CYP11A1: variants seen among roughly 807,000 people sequenced by gnomAD.
The protein encoded by CYP11A1 is cytochrome P450 family 11 subfamily A member 1, also known as cholesterol side-chain cleavage enzyme, mitochondrial.
CYP11A1 carries 25 observed loss-of-function variants against 51.9 expected under a neutral mutation model. That is an observed-to-expected ratio of 0.48 (90% CI 0.35 to 0.67). CYP11A1 has a LOEUF of 0.67. Ranked by LOEUF, CYP11A1 falls within the 30% of genes least tolerant of loss-of-function variation. The pLI, the probability that CYP11A1 is intolerant of heterozygous loss-of-function variation, is 0.00. For missense variants in CYP11A1, 578 were observed against 680.9 expected (o/e 0.85, Z 1.68); for synonymous variants, 245 against 262.1 (o/e 0.93, Z 0.63).
intron 1 of CYP11A1, among the ~76,000 whole-genome samples, chr15:74,356,687 A>T (rs954562103): frequency 6.6e-6 from 1 of 152,152 alleles, no homozygotes; most frequent in African/African-American, 2.4e-5. Flanking sequence ...TTCCCTTATT[A>T]GGTCAAGACA....
intron 1 of CYP11A1, among the ~76,000 whole-genome samples, chr15:74,349,691 C>G (rs190645630): frequency 6.6e-6 from 1 of 152,196 alleles, no homozygotes; most frequent in Non-Finnish European, 1.5e-5. Context: ...AGCCTCATGT[C>G]TAACAGCAAA....
At position 74,367,318 on chromosome 15, in the gene CYP11A1, T is replaced by C; in HGVS notation, c.268A>G (p.Arg90Gly). 6.2e-7 allele frequency: 1 copy of C among 1,614,104 alleles called. No individual in the cohort carries two copies. Among genetic ancestry groups the C allele is most frequent in the Non-Finnish European group, 8.5e-7 (1 of 1,180,026 alleles). Residue 90 changes from arginine to glycine, a missense_variant and splice_region_variant, in exon 1 of 9, where the codon AGG (arginine) becomes GGG (glycine). Transcript: ENST00000268053. Reference protein sequence around the residue: ...QNFQKYGPIYREKLGNVESVY... With the variant: ...QNFQKYGPIYGEKLGNVESVY... ...GCTCCCACCCTCTGCCAGGCTTACC[T>C]GTAAATCGGGCCATACTTCTGGAAA...
chr15:74,342,969 C>T lies in CYP11A1; in HGVS notation c.990+8G>A, dbSNP rs1363687788. ...GGCAACAAGGTGCCGCCCCTACAGC[C>T]ACCTCACCGTGTCCACCCCTCCTGC... is the stretch of plus-strand genomic sequence containing the variant. On this transcript the variant is annotated splice_region_variant and intron_variant, in intron 5 of 8. Transcript: ENST00000268053. 4 of 1,612,212 alleles carry T rather than the reference C, an allele frequency of 2.5e-6. No individual in the cohort carries two copies. Among genetic ancestry groups the T allele is most frequent in the Non-Finnish European group, 3.4e-6 (4 of 1,180,012 alleles).
At chr15:74,362,573 C>T (rs2060713698) in intron 1 of CYP11A1, 2 of 153,772 alleles carry the variant, frequency 1.3e-5, no homozygotes, top group Admixed American at 6.4e-5. Context: ...AATCTCACAA[C>T]TGAGAAGGGC....
At chr15:74,343,214 G>A (rs939255956) in intron 4 of CYP11A1, 77 bp from the exon 5 acceptor site, 2 of 1,497,800 alleles carry the variant, frequency 1.3e-6, no homozygotes, top group African/African-American at 1.4e-5. Context: ...GTGGTGAAAG[G>A]TGGCACCAAG....
intron 1 of CYP11A1, chr15:74,366,977 A>G (rs1272529126): frequency 3.1e-6 from 1 of 320,188 alleles, no homozygotes; most frequent in Non-Finnish European, 5.9e-6. Context: ...CGGCCTCCCA[A>G]AGTGCTGGGA....
chr15:74,345,109 T>C lies in CYP11A1; in HGVS notation c.560A>G (p.Lys187Arg), dbSNP rs536464242. 21 of 1,614,010 alleles carry C rather than the reference T, an allele frequency of 1.3e-5. No homozygotes were observed. The highest frequency in any genetic ancestry group is 1.7e-5 in the Non-Finnish European group (20 of 1,180,000). Residue 187 changes from lysine (K) to arginine (R), a missense_variant, in exon 3 of 9, where the codon AAG (lysine) becomes AGG (arginine). Lys to Arg is a conservative substitution (Grantham distance 26). Coordinates refer to ENST00000268053, the MANE Select transcript of CYP11A1 (RefSeq NM_000781.3). The surrounding 1 kb of genome is among the most constrained non-coding windows in gnomAD (Gnocchi z 4.3). The part of the protein sequence containing the change: ...DFVSVLHRRI[K>R]KAGSGNYSGD... ...CGAGTAATTTCCGGAGCCCGCCTTCTTGATGCGCCTGTGCAGGACACTGAC... is the reference window on the plus strand; with the variant it reads ...CGAGTAATTTCCGGAGCCCGCCTTCCTGATGCGCCTGTGCAGGACACTGAC...
In CYP11A1 at chr15:74,339,599, T is replaced by TTGA; in HGVS notation, c.1142_1144dup (p.Ile381dup). Reference sequence around the variant, plus strand: ...GTTGTGGGCTTGCCTTAGTGTCTCCTTGATGCTGGCTTTGAGGAGGGGGAC... The same window carrying TTGA: ...GTTGTGGGCTTGCCTTAGTGTCTCCTTGATGATGCTGGCTTTGAGGAGGGGGAC... On this transcript the variant is annotated inframe_insertion, in exon 6 of 9. Coordinates refer to ENST00000268053, the MANE Select transcript of CYP11A1 (RefSeq NM_000781.3). The TTGA allele has an allele frequency of 6.2e-7, 1 of 1,614,152 alleles. No homozygotes were observed. Among genetic ancestry groups the TTGA allele is most frequent in the Non-Finnish European group, 8.5e-7 (1 of 1,179,984 alleles).
intron 1 of CYP11A1, among the ~76,000 whole-genome samples, chr15:74,352,349 A>G (rs189892854): frequency 6.0e-4 from 84 of 141,008 alleles, no homozygotes; most frequent in Non-Finnish European, 1.0e-3. Flanking sequence ...GGCTCACTGC[A>G]ACCTCCGCCT....
Position 74,345,005 on chromosome 15 carries a change from C to A in CYP11A1, c.625+39G>T. 8 of 1,578,072 alleles carry A rather than the reference C, an allele frequency of 5.1e-6. No homozygotes were observed. The highest frequency in any genetic ancestry group is 7.0e-6 in the Non-Finnish European group (8 of 1,147,448). ...AGAGAGTGAACACTGAGTCCTCCCA[C>A]CCCCATGCCCACTGCCAGCCAGGTG... On this transcript the variant is annotated intron_variant, in intron 3 of 8. Transcript: ENST00000268053. The surrounding 1 kb of genome is among the most constrained non-coding windows in gnomAD (Gnocchi z 4.3).
In CYP11A1 at chr15:74,345,323, C is replaced by G. The variant is rs1261672711; in HGVS notation, c.426-80G>C. 6.6e-7 allele frequency: 1 copy of G among 1,512,328 alleles called. No homozygotes were observed. Among genetic ancestry groups the G allele is most frequent in the African/African-American group, 1.4e-5 (1 of 72,564 alleles). 93.7% of individuals were successfully genotyped at this position (1,512,328 alleles called of 1,614,324 possible). A position where few individuals can be genotyped will look rare whatever the true frequency, so the allele number is the denominator to read the frequency against. On this transcript the variant is annotated intron_variant, in intron 2 of 8. Coordinates refer to ENST00000268053, the MANE Select transcript of CYP11A1 (RefSeq NM_000781.3). This position sits in a 1 kb window ranked among gnomAD's most constrained non-coding sequence, Gnocchi z 4.3. ...ACACAGAGGGGGCTGACTCAGTTTT[C>G]CCAGGAAGCTGAGTCACAGCTCACA...
chr15:74,338,736 G>T lies in CYP11A1; in HGVS notation c.1269C>A (p.Gly423=), dbSNP rs768205181. 1 of 1,614,166 alleles carries T rather than the reference G, an allele frequency of 6.2e-7. No homozygotes were observed. The highest frequency in any genetic ancestry group is 1.7e-5 in the Admixed American group (1 of 60,030). Residue 423 remains glycine (G), a synonymous_variant, in exon 8 of 9, where the codon GGC becomes GGA. Transcript: ENST00000268053. ...GGTCGAAGAAGAAGGTGGGCTCTCG[G>T]CCCAGAGCATAGATGGCCACTTGCA... The part of the protein sequence containing the change: ...TLVQVAIYAL[G]REPTFFFDPE...
At position 74,367,466 on chromosome 15, in the gene CYP11A1, G is replaced by T. The variant is rs1157153140; in HGVS notation, c.120C>A (p.Ile40=). The T allele has an allele frequency of 6.2e-7, 1 of 1,614,254 alleles. No homozygotes were observed. The highest frequency in any genetic ancestry group is 8.5e-7 in the Non-Finnish European group (1 of 1,180,052). The part of the protein sequence containing the change: ...LRVPTGEGAG[I]STRSPRPFNE... Reference sequence around the variant, plus strand: ...TGAAGGGGCGAGGACTGCGGGTGGAGATGCCAGCTCCCTCGCCAGTGGGCA... The same window carrying T: ...TGAAGGGGCGAGGACTGCGGGTGGATATGCCAGCTCCCTCGCCAGTGGGCA... The change falls in exon 1 of 9, where the codon ATC becomes ATA. Residue 40 remains isoleucine, a synonymous_variant. Coordinates refer to ENST00000268053, the MANE Select transcript of CYP11A1 (RefSeq NM_000781.3).
At chr15:74,354,040 G>C (rs1050368591) in intron 1 of CYP11A1, among the ~76,000 whole-genome samples, 4 of 152,128 alleles carry the variant, frequency 2.6e-5, no homozygotes, top group Non-Finnish European at 4.4e-5. Flanking sequence ...ACTCTGCCTA[G>C]TTTCTCCAAA....
intron 5 of CYP11A1, among the ~76,000 whole-genome samples, chr15:74,341,971 T>A (rs1299690124): frequency 6.6e-6 from 1 of 152,196 alleles, no homozygotes; most frequent in East Asian, 1.9e-4. Context: ...CCTCCGGAAC[T>A]GTGAGAAAAT....
At chr15:74,343,677 C>T in intron 4 of CYP11A1, 112 bp downstream of exon 4, 1 of 968,756 alleles carries the variant, frequency 1.0e-6, no homozygotes, top group Non-Finnish European at 1.7e-6. Flanking sequence ...CTGCCCGCCA[C>T]AGTGTGGGTT....
intron 1 of CYP11A1, among the ~76,000 whole-genome samples, chr15:74,358,482 T>C (rs2060692167): frequency 2.0e-5 from 3 of 152,324 alleles, no homozygotes; most frequent in Non-Finnish European, 4.4e-5. Context: ...CTTTCCATCA[T>C]GGAAATCTAT....
chr15:74,345,081 C>A lies in CYP11A1; in HGVS notation c.588G>T (p.Gly196=), dbSNP rs1008502067. 1 of 1,613,918 alleles carries A rather than the reference C, an allele frequency of 6.2e-7. No individual in the cohort carries two copies. The highest frequency in any genetic ancestry group is 1.3e-5 in the African/African-American group (1 of 74,916). ...AGCGGAACAGGTCATCACTGATGTC[C>A]CCCGAGTAATTTCCGGAGCCCGCCT... ...IKKAGSGNYS[G]DISDDLFRFA... Residue 196 remains glycine, a synonymous_variant, in exon 3 of 9, where the codon GGG becomes GGT. Transcript: ENST00000268053. The surrounding 1 kb of genome is among the most constrained non-coding windows in gnomAD (Gnocchi z 4.3).
At chr15:74,341,837 A>G (rs78105507) in intron 5 of CYP11A1, among the ~76,000 whole-genome samples, 2 of 152,320 alleles carry the variant, frequency 1.3e-5, no homozygotes, top group Non-Finnish European at 2.9e-5. Flanking sequence ...AGGAGAGACA[A>G]TTCTGACACA....
Sources: allele counts gnomAD v4.1 joint callset (sites outside exome capture counted in the v4.1 genomes callset), GRCh38; gene constraint gnomAD v4.1.1; non-coding constraint Gnocchi (gnomAD v3.1); transcripts MANE v1.5; gene names NCBI Gene and HGNC (gene_info 2026-07-23, HGNC 2026-07-21).